The following REPS2 variants were observed in gnomAD, a reference collection of about 807,000 sequenced individuals.
REPS2 encodes RALBP1 associated Eps domain containing 2.
In REPS2, 23 loss-of-function variants were observed where a neutral mutation model predicts 53.6. The observed-to-expected ratio is 0.43, with a 90% confidence interval of 0.31 to 0.61. The LOEUF (loss-of-function observed/expected upper bound fraction) is 0.61. REPS2 is among the 20% of genes least tolerant of loss of function. REPS2 has a pLI of 0.11. For missense variants in REPS2, 446 were observed against 534.9 expected (o/e 0.83, Z 1.64); for synonymous variants, 238 against 218.6 (o/e 1.09, Z -0.78).
intron 2 of REPS2, among the ~76,000 whole-genome samples, chrX:17,014,437 C>T (rs2061464378): frequency 9.0e-6 from 1 of 111,629 alleles, no homozygotes; most frequent in Admixed American, 9.5e-5. Context: ...CGATTACCTA[C>T]CCATTTCCTA....
intron 8 of REPS2, among the ~76,000 whole-genome samples, chrX:17,056,692 C>CA (rs1214216852): frequency 6.6e-4 from 17 of 25,610 alleles, no homozygotes; most frequent in Non-Finnish European, 1.1e-3. Context: ...GAGACTCTGT[C>CA]TAAAAAAAAA....
chrX:17,140,250 AT>A (rs910664526), intron 17 of REPS2, among the ~76,000 whole-genome samples: 4 of 109,191 alleles, frequency 3.7e-5, no homozygotes, highest in Non-Finnish European at 5.7e-5. Flanking sequence ...TAATATTATT[AT>A]TTTTTTTTCA....
At chrX:17,086,962 A>G (rs2062545311) in intron 13 of REPS2, among the ~76,000 whole-genome samples, 1 of 112,128 alleles carries the variant, frequency 8.9e-6, no homozygotes, top group Admixed American at 9.4e-5. Flanking sequence ...CTGCTAATCA[A>G]TGTCACAGTT....
rs185316939 is a variant in REPS2 at position 17,122,182 on chromosome X, C to T, written c.1579-11642C>T. 1.7e-4 allele frequency among the ~76,000 whole-genome samples: 19 copies of T among 111,698 alleles called. No individual in the cohort carries two copies. The East Asian group carries it at 4.8e-3, about 28-fold the overall frequency. ...ATCAAGAAACAGAATATTACTAGCA[C>T]CCCAGAAGCCCTCCTTGTGCTGTTT... is the stretch of plus-strand genomic sequence containing the variant. On this transcript the variant is annotated intron_variant, in intron 14 of 17. Transcript: ENST00000357277.
intron 13 of REPS2, among the ~76,000 whole-genome samples, chrX:17,092,777 CT>C (rs1247923918): frequency 3.6e-4 from 35 of 98,430 alleles, no homozygotes; most frequent in South Asian, 9.6e-4. Flanking sequence ...TATTTTTTTT[CT>C]TTTTTTTTTC....
At chrX:17,088,929 G>A (rs1277702668) in intron 13 of REPS2, among the ~76,000 whole-genome samples, 1 of 111,519 alleles carries the variant, frequency 9.0e-6, no homozygotes, top group East Asian at 2.8e-4. Flanking sequence ...CTTTGTTGCA[G>A]CAGATTTGGT....
At chrX:17,035,873 T>C (rs1391647507) in intron 5 of REPS2, among the ~76,000 whole-genome samples, 2 of 112,269 alleles carry the variant, frequency 1.8e-5, no homozygotes. Flanking sequence ...AACACAGTTA[T>C]GCTTTTTTAC....
rs1339902710 is a variant in REPS2, at chrX:16,946,888, GGCGGCAGCGGCA to G, written c.39_50del (p.Ala14_Ala17del). ...TGGAGGCGGCAGCGGCGGCGGCGGCGGCGGCAGCGGCAGCGGCAGCGGCGGGCGGGGGCTGTG... is the reference window on the plus strand; with the variant it reads ...TGGAGGCGGCAGCGGCGGCGGCGGCGGCGGCAGCGGCGGGCGGGGGCTGTG... On this transcript the variant is annotated inframe_deletion, in exon 1 of 18. Transcript: ENST00000357277. 3.4e-5 allele frequency: 26 copies of G among 769,587 alleles called. No individual in the cohort carries two copies. In the South Asian group the frequency reaches 5.2e-4, roughly 15 times the overall value. The allele number at this position is 769,587 out of a possible 1,213,427, so 63.4% of individuals were successfully genotyped here. A position where few individuals can be genotyped will look rare whatever the true frequency, so the allele number is the denominator to read the frequency against.
At chrX:17,182,132 C>CTCTGTCTATCTA in the REPS2 span, among the ~76,000 whole-genome samples, 17 of 90,446 alleles carry the variant, frequency 1.9e-4, no homozygotes, top group Admixed American at 9.9e-4. Context: ...ACCTAGTGTG[C>CTCTGTCTATCTA]TCTATCTGTC....
At chrX:17,159,047 A>G in the REPS2 span, among the ~76,000 whole-genome samples, 8 of 112,192 alleles carry the variant, frequency 7.1e-5, no homozygotes, top group Non-Finnish European at 1.5e-4. Flanking sequence ...GATAGATGCA[A>G]TAATTAAAGA....
At chrX:17,178,272 C>T in the REPS2 span, among the ~76,000 whole-genome samples, 2 of 112,154 alleles carry the variant, frequency 1.8e-5, no homozygotes, top group Non-Finnish European at 3.8e-5. Context: ...ACCATGTAAC[C>T]TTGTTCATTT....
At chrX:17,134,222 C>T (rs1423692099) in intron 15 of REPS2, among the ~76,000 whole-genome samples, 1 of 111,772 alleles carries the variant, frequency 8.9e-6, no homozygotes, top group East Asian at 2.8e-4. Context: ...ACCCCATCCA[C>T]CTGCTAAGCC....
At chrX:17,009,433 CT>C (rs1310638799) in intron 2 of REPS2, among the ~76,000 whole-genome samples, 63 of 91,847 alleles carry the variant, frequency 6.9e-4, no homozygotes, top group African/African-American at 1.5e-3. Flanking sequence ...AGCCTCCCAA[CT>C]TTTTTTTTTT....
intron 14 of REPS2, among the ~76,000 whole-genome samples, chrX:17,123,866 G>A (rs1038263996): frequency 8.9e-6 from 1 of 112,255 alleles, no homozygotes; most frequent in African/African-American, 3.2e-5. Flanking sequence ...TGTTTGGCAA[G>A]GAGGAAAATG....
At chrX:17,088,819 G>A (rs1227432143) in intron 13 of REPS2, among the ~76,000 whole-genome samples, 2 of 110,215 alleles carry the variant, frequency 1.8e-5, no homozygotes, top group Non-Finnish European at 3.8e-5. Flanking sequence ...TCCTGACCTC[G>A]TGATCCACCT....
At chrX:17,171,159 C>T in the REPS2 span, among the ~76,000 whole-genome samples, 1 of 112,627 alleles carries the variant, frequency 8.9e-6, no homozygotes, top group Non-Finnish European at 1.9e-5. Context: ...CAGATTTTGA[C>T]AATATCCCAA....
In REPS2 at chrX:17,068,741, G is replaced by A. The variant is rs778520358; in HGVS notation, c.1279+270G>A. 1.4e-4 allele frequency among the ~76,000 whole-genome samples: 16 copies of A among 112,277 alleles called. No individual in the cohort carries two copies. The South Asian group carries it at 3.3e-3, about 23-fold the overall frequency. On this transcript the variant is annotated intron_variant, in intron 10 of 17. Coordinates refer to ENST00000357277, the MANE Select transcript of REPS2 (RefSeq NM_004726.3). ...TAACACCTTACACTGGAATCTGATCGTAGCAATTAGGAAATGACAGGAAGC... is the reference window on the plus strand; with the variant it reads ...TAACACCTTACACTGGAATCTGATCATAGCAATTAGGAAATGACAGGAAGC...
chrX:16,964,751 T>C (rs2060714819), intron 1 of REPS2, among the ~76,000 whole-genome samples: 1 of 93,190 alleles, frequency 1.1e-5, no homozygotes, highest in Admixed American at 1.1e-4. Context: ...GAGGCGCCCC[T>C]CACCTCCCGG....
chrX:16,969,962 C>T (rs1374769749), intron 1 of REPS2, among the ~76,000 whole-genome samples: 1 of 112,031 alleles, frequency 8.9e-6, no homozygotes, highest in Non-Finnish European at 1.9e-5. Flanking sequence ...AACTATATTG[C>T]TTTCTACTTT....
Sources: gnomAD v4.1 joint callset for allele counts (sites outside exome capture counted in the v4.1 genomes callset) on GRCh38, gnomAD v4.1.1 for gene constraint, MANE v1.5 for transcripts, NCBI Gene and HGNC (gene_info 2026-07-23, HGNC 2026-07-21) for gene names.